The following NPR3 variants were observed in gnomAD, a reference collection of about 807,000 sequenced individuals.
The protein encoded by NPR3 is natriuretic peptide receptor 3.
NPR3 carries 34 observed loss-of-function variants against 54.5 expected under a neutral mutation model. The ratio of observed to expected loss-of-function variants is 0.62; its 90% CI spans 0.47 to 0.83. NPR3 has a LOEUF of 0.83. Among genes scored for constraint, NPR3 ranks in the 40% least tolerant of loss-of-function variants. NPR3 has a pLI of 0.00. For synonymous variants in NPR3, 289 were observed against 297.1 expected (o/e 0.97, Z 0.28); for missense variants, 674 against 720.8 (o/e 0.94, Z 0.74).
chr5:32,772,418 C>G (rs1196509512), intron 3 of NPR3, among the ~76,000 whole-genome samples: 1 of 151,816 alleles, frequency 6.6e-6, no homozygotes, highest in Non-Finnish European at 1.5e-5. Context: ...ACTCCAAACT[C>G]TCCTGCAAAT....
At position 32,791,357 on chromosome 5, in the gene NPR3, T is replaced by C. The variant is rs1298506443; in HGVS notation, c.*5012T>C. On this transcript the variant is annotated 3_prime_UTR_variant, in exon 8 of 8. Coordinates refer to ENST00000265074, the MANE Select transcript of NPR3 (RefSeq NM_001204375.2). ...GTCTTCTGGGTCACATTATTCATTG[T>C]TGATTTAAATACAGGACTACCAAAC... The C allele has an allele frequency of 6.0e-6, 1 of 167,134 alleles. No homozygotes were observed. Among genetic ancestry groups the C allele is most frequent in the African/African-American group, 2.4e-5 (1 of 41,464 alleles). 10.4% of individuals were successfully genotyped at this position (167,134 alleles called of 1,614,324 possible).
At chr5:32,785,717 C>T (rs1036707408) in intron 7 of NPR3, among the ~76,000 whole-genome samples, 9 of 152,192 alleles carry the variant, frequency 5.9e-5, no homozygotes, top group Admixed American at 2.6e-4. Context: ...TAATAATGTA[C>T]GTGTGTGCAC....
intron 1 of NPR3, among the ~76,000 whole-genome samples, chr5:32,724,042 A>G (rs1739006811): frequency 6.6e-6 from 1 of 152,184 alleles, no homozygotes. Context: ...CTAAACATTC[A>G]ACTGTGTACT....
intron 3 of NPR3, among the ~76,000 whole-genome samples, chr5:32,758,015 G>A (rs1406345221): frequency 1.3e-5 from 2 of 152,082 alleles, no homozygotes; most frequent in East Asian, 3.9e-4. Flanking sequence ...GTATTTTATT[G>A]AGGACTTTTG....
chr5:32,728,172 C>T (rs1739232766), intron 2 of NPR3, among the ~76,000 whole-genome samples: 1 of 152,132 alleles, frequency 6.6e-6, no homozygotes, highest in Non-Finnish European at 1.5e-5. Context: ...GATTCAAGAG[C>T]AGTTTTTAGC....
chr5:32,774,753 G>A lies in NPR3; in HGVS notation c.1105G>A (p.Val369Ile), dbSNP rs1011584298. The A allele has an allele frequency of 2.1e-5, 33 of 1,607,486 alleles. No individual in the cohort carries two copies. The highest frequency in any genetic ancestry group is 8.0e-5 in the African/African-American group (6 of 74,738). Residue 369 changes from valine to isoleucine, a missense_variant, in exon 4 of 8, where the codon GTC (valine) becomes ATC (isoleucine). Physicochemically the swap from Val to Ile is conservative, Grantham distance 29 (BLOSUM62 3). Transcript: ENST00000265074. ...ATTCCACGATGCCATCCTCCTCTAC[G>A]TCTTGGCTCTACATGAAGTACTCAG... The part of the protein sequence containing the change: ...EGFHDAILLY[V>I]LALHEVLRAG...
chr5:32,711,951 C>T lies in NPR3; in HGVS notation c.175C>T (p.Leu59=). 6.4e-7 allele frequency: 1 copy of T among 1,564,168 alleles called. No homozygotes were observed. Among genetic ancestry groups the T allele is most frequent in the Non-Finnish European group, 8.7e-7 (1 of 1,153,706 alleles). ...ACAGAAGATCGAGGTGCTGGTGTTA[C>T]TGCCCCAGGATGACTCGTACTTGTT... The part of the protein sequence containing the change: ...PPQKIEVLVL[L]PQDDSYLFSL... Residue 59 remains leucine, a synonymous_variant, in exon 1 of 8, where the codon CTG becomes TTG. Transcript: ENST00000265074.
chr5:32,707,451 T>C (rs1738025772), upstream of NPR3, among the ~76,000 whole-genome samples: 1 of 152,054 alleles, frequency 6.6e-6, no homozygotes, highest in South Asian at 2.1e-4. Context: ...CATCCATTGA[T>C]TTTTTTTCCC....
intron 6 of NPR3, chr5:32,783,357 C>G: frequency 5.0e-6 from 1 of 199,996 alleles, no homozygotes; most frequent in Non-Finnish European, 1.0e-5. Flanking sequence ...CACAGCAAGT[C>G]TCGTTCTGAT....
intron 1 of NPR3, among the ~76,000 whole-genome samples, chr5:32,697,410 A>G (rs1384344849): frequency 1.3e-5 from 2 of 150,272 alleles, no homozygotes; most frequent in Admixed American, 6.6e-5. Context: ...TTCTGCACCA[A>G]TGTTCGTCAG....
chr5:32,732,110 G>A (rs1291863376), intron 2 of NPR3, among the ~76,000 whole-genome samples: 18 of 151,694 alleles, frequency 1.2e-4, no homozygotes, highest in African/African-American at 2.9e-4. Flanking sequence ...GCACGGTGGC[G>A]GGCGCCTGTA....
chr5:32,778,676 T>C (rs1054705804), intron 4 of NPR3, among the ~76,000 whole-genome samples: 2 of 152,240 alleles, frequency 1.3e-5, no homozygotes, highest in African/African-American at 4.8e-5. Flanking sequence ...AAAATTCTAC[T>C]GTAAGCCTGG....
intron 1 of NPR3, among the ~76,000 whole-genome samples, chr5:32,698,732 T>A (rs1232800149): frequency 6.6e-6 from 1 of 152,222 alleles, no homozygotes; most frequent in Non-Finnish European, 1.5e-5. Context: ...ATAATGACCT[T>A]GTTTGTCTCT....
At chr5:32,730,336 A>G (rs1739388086) in intron 2 of NPR3, among the ~76,000 whole-genome samples, 1 of 152,224 alleles carries the variant, frequency 6.6e-6, no homozygotes, top group Non-Finnish European at 1.5e-5. Flanking sequence ...TTAGGTTGAC[A>G]AAGAACACCT....
chr5:32,786,370 T>G lies in NPR3; in HGVS notation c.*25T>G, dbSNP rs1056268508. 2 of 935,858 alleles carry G rather than the reference T, an allele frequency of 2.1e-6. No individual in the cohort carries two copies. Among genetic ancestry groups the G allele is most frequent in the Non-Finnish European group, 1.7e-6 (1 of 582,772 alleles). 58.0% of individuals were successfully genotyped at this position (935,858 alleles called of 1,614,324 possible). A position where few individuals can be genotyped will look rare whatever the true frequency, so the allele number is the denominator to read the frequency against. ...AAGGAAGCCCCCCACTTTTTTTTTT[T>G]CTGCCTGAGATTCTTTAAGGAGATA... On this transcript the variant is annotated 3_prime_UTR_variant, in exon 8 of 8. Transcript: ENST00000265074.
intron 6 of NPR3, among the ~76,000 whole-genome samples, chr5:32,783,872 G>A (rs1291745797): frequency 6.6e-6 from 1 of 152,162 alleles, no homozygotes; most frequent in Non-Finnish European, 1.5e-5. Context: ...TAAGCGTTTT[G>A]AGGGCTGTTT....
Position 32,712,320 on chromosome 5 carries a change from G to T in NPR3, c.544G>T (p.Ala182Ser). The T allele has an allele frequency of 6.2e-7, 1 of 1,613,418 alleles. No individual in the cohort carries two copies. The highest frequency in any genetic ancestry group is 8.5e-7 in the Non-Finnish European group (1 of 1,179,736). Reference protein sequence around the residue: ...SHLTRVAPAYAKMGEMMLALF... With the variant: ...SHLTRVAPAYSKMGEMMLALF... ...CCTCACGCGCGTGGCGCCCGCCTAC[G>T]CCAAGATGGGCGAGATGATGCTCGC... Residue 182 changes from alanine (A) to serine (S), a missense_variant, in exon 1 of 8, where the codon GCC becomes TCC. Transcript: ENST00000265074.
intron 3 of NPR3, among the ~76,000 whole-genome samples, chr5:32,749,510 A>G (rs1740468431): frequency 6.6e-6 from 1 of 152,174 alleles, no homozygotes. Context: ...AACTTGTTAT[A>G]GTGGTGAACT....
intron 1 of NPR3, among the ~76,000 whole-genome samples, chr5:32,696,042 C>A (rs1045050263): frequency 3.3e-5 from 5 of 152,252 alleles, no homozygotes; most frequent in Admixed American, 2.6e-4. Flanking sequence ...CCAATTCATT[C>A]ATTTTTTGCT....
Sources: allele counts gnomAD v4.1 joint callset (sites outside exome capture counted in the v4.1 genomes callset), GRCh38; gene constraint gnomAD v4.1.1; transcripts MANE v1.5; gene names NCBI Gene and HGNC (gene_info 2026-07-23, HGNC 2026-07-21).